LHFPL6: variants seen among roughly 807,000 people sequenced by gnomAD.
The protein encoded by LHFPL6 is LHFPL tetraspan subfamily member 6, also known as LHFPL tetraspan subfamily member 6 protein.
A neutral mutation model predicts 20.6 loss-of-function variants in LHFPL6; 9 were observed. The ratio of observed to expected loss-of-function variants is 0.44; its 90% CI spans 0.26 to 0.76. The LOEUF (loss-of-function observed/expected upper bound fraction) is 0.76. Ranked by LOEUF, LHFPL6 falls within the 30% of genes least tolerant of loss-of-function variation. The pLI is 0.20. For missense variants in LHFPL6, 218 were observed against 253.5 expected (o/e 0.86, Z 0.95); for synonymous variants, 105 against 98.7 (o/e 1.06, Z -0.38).
At chr13:39,391,799 T>C (rs1870714450) in intron 2 of LHFPL6, among the ~76,000 whole-genome samples, 1 of 152,058 alleles carries the variant, frequency 6.6e-6, no homozygotes, top group South Asian at 2.1e-4. Flanking sequence ...CCCTTCATCC[T>C]TTTTCTGGGA....
At chr13:39,407,314 T>G (rs498769) in intron 2 of LHFPL6, among the ~76,000 whole-genome samples, 93,620 of 152,048 alleles carry the variant, frequency 0.62, 29,259 homozygotes, top group Admixed American at 0.7. Flanking sequence ...CAGAGTCTGA[T>G]TCTTCCAGAC....
intron 2 of LHFPL6, among the ~76,000 whole-genome samples, chr13:39,464,995 A>C (rs114151470): frequency 6.6e-6 from 1 of 152,196 alleles, no homozygotes; most frequent in Non-Finnish European, 1.5e-5. Context: ...AGAAGAACAA[A>C]GAGCCAGTAA....
chr13:39,479,981 T>C (rs955306158), intron 2 of LHFPL6, among the ~76,000 whole-genome samples: 1 of 152,192 alleles, frequency 6.6e-6, no homozygotes, highest in Non-Finnish European at 1.5e-5. Context: ...ACTTCTTTTT[T>C]CGATCCACAT....
chr13:39,462,575 A>C (rs962374617), intron 2 of LHFPL6, among the ~76,000 whole-genome samples: 1 of 152,312 alleles, frequency 6.6e-6, no homozygotes, highest in East Asian at 1.9e-4. Flanking sequence ...AAAGTACACA[A>C]ACCTGTATTA....
At chr13:39,359,495 A>G (rs1869822227) in intron 3 of LHFPL6, among the ~76,000 whole-genome samples, 1 of 152,218 alleles carries the variant, frequency 6.6e-6, no homozygotes, top group Admixed American at 6.5e-5. Context: ...AAAAATCAAC[A>G]TAAAGGCCGT....
At chr13:39,493,386 T>C (rs1868996220) in intron 2 of LHFPL6, among the ~76,000 whole-genome samples, 1 of 151,550 alleles carries the variant, frequency 6.6e-6, no homozygotes, top group Admixed American at 6.6e-5. Flanking sequence ...GCATTATTCG[T>C]AATACAGTAA....
At chr13:39,438,783 C>T (rs1020058710) in intron 2 of LHFPL6, among the ~76,000 whole-genome samples, 1 of 152,258 alleles carries the variant, frequency 6.6e-6, no homozygotes, top group Non-Finnish European at 1.5e-5. Flanking sequence ...GCCTTGGCAA[C>T]TTCCATATGG....
chr13:39,455,060 T>A (rs962892433), intron 2 of LHFPL6, among the ~76,000 whole-genome samples: 1 of 151,978 alleles, frequency 6.6e-6, no homozygotes, highest in African/African-American at 2.4e-5. Flanking sequence ...AATCAGAAAA[T>A]GGGCCCTCAC....
At chr13:39,535,517 T>C (rs1458079275) in intron 2 of LHFPL6, among the ~76,000 whole-genome samples, 1 of 152,202 alleles carries the variant, frequency 6.6e-6, no homozygotes, top group Non-Finnish European at 1.5e-5. Context: ...TGGAAGAAAC[T>C]TAGATAAAAA....
chr13:39,533,924 T>C (rs1870541284), intron 2 of LHFPL6, among the ~76,000 whole-genome samples: 2 of 152,120 alleles, frequency 1.3e-5, no homozygotes, highest in African/African-American at 2.4e-5. Context: ...GGGTAGAACA[T>C]TGGGTTGTAC....
intron 2 of LHFPL6, among the ~76,000 whole-genome samples, chr13:39,453,831 G>C (rs1426812441): frequency 6.6e-6 from 1 of 152,206 alleles, no homozygotes; most frequent in Non-Finnish European, 1.5e-5. Context: ...CAACAAGCAA[G>C]TCGTGTGTGA....
chr13:39,465,984 T>A (rs971141196), intron 2 of LHFPL6, among the ~76,000 whole-genome samples: 1 of 151,992 alleles, frequency 6.6e-6, no homozygotes, highest in African/African-American at 2.4e-5. Flanking sequence ...ATCCTAAGTG[T>A]GGCACTACTG....
At chr13:39,599,437 A>C (rs1872864081) in intron 2 of LHFPL6, among the ~76,000 whole-genome samples, 1 of 152,226 alleles carries the variant, frequency 6.6e-6, no homozygotes, top group East Asian at 1.9e-4. Flanking sequence ...GTTTCCTAAT[A>C]GTTTTAAGTA....
At chr13:39,531,320 A>G (rs777596115) in intron 2 of LHFPL6, among the ~76,000 whole-genome samples, 1 of 152,222 alleles carries the variant, frequency 6.6e-6, no homozygotes, top group Non-Finnish European at 1.5e-5. Context: ...GCTTTTATGC[A>G]GATGAGAATT....
chr13:39,583,287 C>A (rs892178868), intron 2 of LHFPL6, among the ~76,000 whole-genome samples: 3 of 151,894 alleles, frequency 2.0e-5, no homozygotes, highest in African/African-American at 4.8e-5. Flanking sequence ...ATCCTCCCCC[C>A]TCAGCCCCCT....
chr13:39,390,107 A>C (rs1052041483), intron 2 of LHFPL6, among the ~76,000 whole-genome samples: 2 of 152,142 alleles, frequency 1.3e-5, no homozygotes, highest in East Asian at 3.9e-4. Context: ...TAAGGGTCTT[A>C]AGTAAATCAG....
rs77332466 is a variant in LHFPL6 at position 39,486,385 on chromosome 13, A to G, written c.386-107859T>C. Among the ~76,000 whole-genome samples the G allele has an allele frequency of 6.4e-3, 979 of 152,328 alleles. 6 individuals are homozygous for G. Among genetic ancestry groups the G allele is most frequent in the Non-Finnish European group, 0.012 (804 of 68,036 alleles). On this transcript the variant is annotated intron_variant, in intron 2 of 3. Coordinates refer to ENST00000379589, the MANE Select transcript of LHFPL6 (RefSeq NM_005780.3). ...GTAATGTTTTTGCTACCAACAGTATAGGCTGGGTCAGCTAACACGGTATTT... is the reference window on the plus strand; with the variant it reads ...GTAATGTTTTTGCTACCAACAGTATGGGCTGGGTCAGCTAACACGGTATTT...
intron 2 of LHFPL6, among the ~76,000 whole-genome samples, chr13:39,381,137 TG>T (rs781306988): frequency 6.6e-6 from 1 of 152,192 alleles, no homozygotes; most frequent in Non-Finnish European, 1.5e-5. Flanking sequence ...TAAAAAAGGT[TG>T]GGGATTTCTG....
In LHFPL6 at chr13:39,601,916, C is replaced by CGGAGGCACCCACA. The variant is rs1430972920; in HGVS notation, c.-174-539_-174-527dup. Among the ~76,000 whole-genome samples, 5 of 152,224 alleles carry CGGAGGCACCCACA rather than the reference C, an allele frequency of 3.3e-5. No homozygotes were observed. The East Asian group carries it at 9.6e-4, about 29-fold the overall frequency. On this transcript the variant is annotated intron_variant, in intron 1 of 3. Coordinates refer to ENST00000379589, the MANE Select transcript of LHFPL6 (RefSeq NM_005780.3). ...TAAATTTAACAAGCATTATGGTCTG[C>CGGAGGCACCCACA]GGAGGCACCCACAGTACAGAACTAT... is the stretch of plus-strand genomic sequence containing the variant.
Sources: gnomAD v4.1 joint callset for allele counts (sites outside exome capture counted in the v4.1 genomes callset) on GRCh38, gnomAD v4.1.1 for gene constraint, MANE v1.5 for transcripts, NCBI Gene and HGNC (gene_info 2026-07-23, HGNC 2026-07-21) for gene names.